Variants in DENND4A observed in about 807,000 individuals in gnomAD.
The protein encoded by DENND4A is DENN domain containing 4A.
In DENND4A, 70 loss-of-function variants were observed where a neutral mutation model predicts 199.3. The observed-to-expected ratio is 0.35, with a 90% CI of 0.29 to 0.43. DENND4A has a LOEUF of 0.43. Among genes scored for constraint, DENND4A ranks in the 20% least tolerant of loss-of-function variants. The pLI is 1.00. For missense variants in DENND4A, 1,723 were observed against 2,255.8 expected (o/e 0.76, Z 4.78); for synonymous variants, 686 against 766.9 (o/e 0.89, Z 1.74).
At chr15:65,712,844 T>C (rs2075289337) in intron 14 of DENND4A, among the ~76,000 whole-genome samples, 1 of 152,188 alleles carries the variant, frequency 6.6e-6, no homozygotes, top group South Asian at 2.1e-4. Context: ...CTTTTATTTC[T>C]TCCTTTTTTC....
intron 13 of DENND4A, among the ~76,000 whole-genome samples, chr15:65,715,900 T>C (rs1315403490): frequency 6.6e-6 from 1 of 152,104 alleles, no homozygotes; most frequent in Admixed American, 6.5e-5. Flanking sequence ...AATTGCTCTC[T>C]TTTCCCCTAA....
chr15:65,667,798 A>T, intron 28 of DENND4A, 95 bp from the exon 29 acceptor site: 1 of 1,490,202 alleles, frequency 6.7e-7, no homozygotes, highest in Non-Finnish European at 9.0e-7. Flanking sequence ...AAAGTAATAT[A>T]ATTGTATCAT....
At chr15:65,738,008 A>C in intron 6 of DENND4A, 63 bp from the exon 7 acceptor site, 3 of 1,460,568 alleles carry the variant, frequency 2.1e-6, no homozygotes, top group Non-Finnish European at 2.7e-6. Flanking sequence ...TCACATCATC[A>C]GTTAAATATT....
intron 14 of DENND4A, among the ~76,000 whole-genome samples, chr15:65,711,587 G>T (rs1020922811): frequency 3.3e-5 from 5 of 152,192 alleles, no homozygotes; most frequent in African/African-American, 1.2e-4. Context: ...AAGTCTGTTT[G>T]TAAGTAGGTT....
chr15:65,666,906 G>A (rs933724589), intron 29 of DENND4A, among the ~76,000 whole-genome samples: 1 of 151,590 alleles, frequency 6.6e-6, no homozygotes, highest in African/African-American at 2.4e-5. Context: ...AAAAATTCAA[G>A]TACGTTTAAT....
At chr15:65,756,693 A>G (rs139333340) in intron 2 of DENND4A, among the ~76,000 whole-genome samples, 1 of 152,346 alleles carries the variant, frequency 6.6e-6, no homozygotes, top group Non-Finnish European at 1.5e-5. Context: ...AATTTTGGCA[A>G]TAGTGAAACC....
At chr15:65,788,007 A>G (rs2141015748) in intron 1 of DENND4A, among the ~76,000 whole-genome samples, 1 of 152,306 alleles carries the variant, frequency 6.6e-6, no homozygotes, top group Admixed American at 6.5e-5. Context: ...GCTTGGAGAG[A>G]AGCAATGTTT....
intron 1 of DENND4A, among the ~76,000 whole-genome samples, chr15:65,785,164 T>C (rs1473642749): frequency 3.3e-5 from 5 of 150,974 alleles, no homozygotes; most frequent in Middle Eastern, 6.9e-3. Context: ...TAGTGGTAAA[T>C]ATTTTTTTTG....
intron 1 of DENND4A, among the ~76,000 whole-genome samples, chr15:65,768,536 C>T (rs1384475375): frequency 6.6e-6 from 1 of 152,048 alleles, no homozygotes; most frequent in East Asian, 1.9e-4. Flanking sequence ...TTTTCTATTT[C>T]TGAACTTTTA....
At chr15:65,734,476 G>A (rs192468848) in intron 7 of DENND4A, among the ~76,000 whole-genome samples, 3 of 152,106 alleles carry the variant, frequency 2.0e-5, no homozygotes, top group East Asian at 3.9e-4. Flanking sequence ...AGAGGCTGGC[G>A]GGATCCTCCA....
chr15:65,725,718 C>A (rs145516950), intron 11 of DENND4A, among the ~76,000 whole-genome samples: 1 of 151,944 alleles, frequency 6.6e-6, no homozygotes, highest in East Asian at 1.9e-4. Context: ...AACCACCTCA[C>A]AAAGTATGGA....
intron 1 of DENND4A, among the ~76,000 whole-genome samples, chr15:65,779,700 A>G (rs554122707): frequency 6.6e-6 from 1 of 152,144 alleles, no homozygotes; most frequent in African/African-American, 2.4e-5. Context: ...CCCAGGCTAG[A>G]GTGCAGTAGT....
intron 14 of DENND4A, among the ~76,000 whole-genome samples, chr15:65,711,325 A>G (rs190231511): frequency 4.6e-5 from 7 of 152,190 alleles, no homozygotes; most frequent in Non-Finnish European, 7.4e-5. Flanking sequence ...AACACAAGGA[A>G]ACCCTGTCTC....
chr15:65,683,700 G>A lies in DENND4A; in HGVS notation c.4179+6715C>T, dbSNP rs72625764. On this transcript the variant is annotated intron_variant, in intron 23 of 32. Transcript: ENST00000443035. ...TGATTTGTAATTGAATTCTATTGTGGTCAGAAAATATGCTTGATTTAAAAG... is the reference window on the plus strand; with the variant it reads ...TGATTTGTAATTGAATTCTATTGTGATCAGAAAATATGCTTGATTTAAAAG... 1.9e-3 allele frequency among the ~76,000 whole-genome samples: 287 copies of A among 152,116 alleles called. 5 individuals carry two copies. In the East Asian group the frequency reaches 0.05, roughly 27 times the overall value.
intron 23 of DENND4A, among the ~76,000 whole-genome samples, chr15:65,687,301 C>G (rs1480445963): frequency 1.3e-5 from 2 of 152,044 alleles, no homozygotes; most frequent in Non-Finnish European, 2.9e-5. Context: ...AGTTCCTTTA[C>G]TACTGATGTT....
At chr15:65,668,816 G>A (rs2076128497) in intron 27 of DENND4A, among the ~76,000 whole-genome samples, 1 of 149,730 alleles carries the variant, frequency 6.7e-6, no homozygotes, top group African/African-American at 2.5e-5. Flanking sequence ...GTGAGACTCT[G>A]TCTCAAAAAA....
intron 14 of DENND4A, among the ~76,000 whole-genome samples, chr15:65,711,980 AC>A (rs749826378): frequency 3.3e-5 from 5 of 152,212 alleles, no homozygotes; most frequent in Non-Finnish European, 7.4e-5. Context: ...AAAATTTAAC[AC>A]GTATTTATAG....
At chr15:65,774,777 GTT>G (rs1471475534) in intron 1 of DENND4A, among the ~76,000 whole-genome samples, 2 of 149,718 alleles carry the variant, frequency 1.3e-5, no homozygotes, top group African/African-American at 4.9e-5. Context: ...TAGAGATTAT[GTT>G]TTAAAATTAC....
At chr15:65,709,631 T>C (rs545292073) in intron 14 of DENND4A, among the ~76,000 whole-genome samples, 1 of 138,756 alleles carries the variant, frequency 7.2e-6, no homozygotes, top group South Asian at 2.4e-4. Flanking sequence ...GAGACGGAGG[T>C]TGCGGTGAGC....
Sources: gnomAD v4.1 joint callset for allele counts (sites outside exome capture counted in the v4.1 genomes callset) on GRCh38, gnomAD v4.1.1 for gene constraint, MANE v1.5 for transcripts, NCBI Gene and HGNC (gene_info 2026-07-23, HGNC 2026-07-21) for gene names.